WDR7: variants seen among roughly 807,000 people sequenced by gnomAD.
The protein encoded by WDR7 is WD repeat domain 7, also known as WD repeat-containing protein 7.
Under a neutral mutation model 169.4 loss-of-function variants are expected in WDR7, and 46 were observed. That is an observed-to-expected ratio of 0.27 (90% confidence interval 0.21 to 0.35). The LOEUF (loss-of-function observed/expected upper bound fraction) is 0.35. Ranked by LOEUF, WDR7 falls within the 10% of genes least tolerant of loss-of-function variation. The pLI, the probability that WDR7 is intolerant of heterozygous loss-of-function variation, is 1.00. For synonymous variants in WDR7, 612 were observed against 666.8 expected (o/e 0.92, Z 1.27); for missense variants, 1,534 against 1,859.3 (o/e 0.83, Z 3.22).
intron 20 of WDR7, among the ~76,000 whole-genome samples, chr18:56,835,409 A>G (rs897955028): frequency 1.3e-5 from 2 of 152,216 alleles, no homozygotes; most frequent in Admixed American, 6.5e-5. Flanking sequence ...TACCTAACTT[A>G]TAAGTGTATA....
chr18:56,771,708 C>T lies in WDR7; in HGVS notation c.2849-5074C>T, dbSNP rs560112515. ...ACCAGCCTGACCAACTTGGAGAAAC[C>T]CCATCTCTACTAGAAAATACAAAAT... On this transcript the variant is annotated intron_variant, in intron 16 of 27. Transcript: ENST00000254442. Among the ~76,000 whole-genome samples the T allele has an allele frequency of 4.0e-5, 6 of 151,766 alleles. No individual in the cohort carries two copies. In the East Asian group the frequency reaches 1.2e-3, roughly 30 times the overall value.
chr18:56,835,461 A>G (rs1245913182), intron 20 of WDR7, among the ~76,000 whole-genome samples: 1 of 152,184 alleles, frequency 6.6e-6, no homozygotes, highest in Non-Finnish European at 1.5e-5. Flanking sequence ...GAGTTGCAGT[A>G]ATTTTGGAAA....
At chr18:56,799,131 T>G (rs146993026) in intron 19 of WDR7, among the ~76,000 whole-genome samples, 1,953 of 152,258 alleles carry the variant, frequency 0.013, 18 homozygotes, top group East Asian at 0.031. Context: ...TAAGAACTAT[T>G]ATAGAGATGG....
At position 56,855,188 on chromosome 18, in the gene WDR7, A is replaced by C. The variant is rs561442468; in HGVS notation, c.3305-24756A>C. 2.0e-3 allele frequency among the ~76,000 whole-genome samples: 310 copies of C among 151,588 alleles called. 1 individual carries two copies. The highest frequency in any genetic ancestry group is 3.5e-3 in the Non-Finnish European group (239 of 67,896). On this transcript the variant is annotated intron_variant, in intron 20 of 27. Coordinates refer to ENST00000254442, the MANE Select transcript of WDR7 (RefSeq NM_015285.3). ...TCCCTTCTTGCTAATGAGTTTCAAC[A>C]TACGTGTTTCCTATTCTGTGAAATG...
chr18:56,991,803 G>A (rs1051909466), intron 26 of WDR7, among the ~76,000 whole-genome samples: 6 of 152,180 alleles, frequency 3.9e-5, no homozygotes, highest in African/African-American at 1.4e-4. Flanking sequence ...TGATCCCAGC[G>A]ATCTCTAAGA....
At chr18:56,657,072 G>A (rs938992037) in intron 1 of WDR7, among the ~76,000 whole-genome samples, 19 of 151,932 alleles carry the variant, frequency 1.3e-4, no homozygotes, top group African/African-American at 2.7e-4. Flanking sequence ...ATTTTAGTGC[G>A]TGTAGAGTGA....
At chr18:57,017,893 T>C (rs1415043886) in intron 26 of WDR7, among the ~76,000 whole-genome samples, 1 of 152,164 alleles carries the variant, frequency 6.6e-6, no homozygotes. Context: ...AGAAGTACCC[T>C]TCACGTGGAT....
chr18:56,775,974 A>G (rs1285094655), intron 16 of WDR7, among the ~76,000 whole-genome samples: 1 of 152,178 alleles, frequency 6.6e-6, no homozygotes, highest in African/African-American at 2.4e-5. Flanking sequence ...GAAGTGTCAA[A>G]TGGTGACCTC....
At chr18:56,726,450 G>C (rs2026457499) in intron 13 of WDR7, among the ~76,000 whole-genome samples, 1 of 152,118 alleles carries the variant, frequency 6.6e-6, no homozygotes, top group Non-Finnish European at 1.5e-5. Context: ...TTGGCTCTCT[G>C]TTTGTCTGTT....
chr18:56,921,107 C>T (rs1478887638), intron 21 of WDR7, among the ~76,000 whole-genome samples: 2 of 152,134 alleles, frequency 1.3e-5, no homozygotes, highest in Non-Finnish European at 2.9e-5. Context: ...GTCATTAATG[C>T]TAGTAGCAGA....
At chr18:57,030,803 T>C (rs1207109441), downstream of WDR7, 1 of 150,728 alleles carries the variant, frequency 6.6e-6, no homozygotes, top group Non-Finnish European at 1.5e-5. Context: ...AGATCGTCAA[T>C]ACATACAAAT....
chr18:56,656,404 C>T (rs1163723048), intron 1 of WDR7, among the ~76,000 whole-genome samples: 4 of 151,666 alleles, frequency 2.6e-5, no homozygotes, highest in Admixed American at 6.6e-5. Context: ...CTCAGCCTCC[C>T]GAGTAGCTGG....
chr18:56,726,010 C>T (rs1157242111), intron 13 of WDR7, among the ~76,000 whole-genome samples: 1 of 152,116 alleles, frequency 6.6e-6, no homozygotes, highest in Non-Finnish European at 1.5e-5. Flanking sequence ...TTCCATTGTT[C>T]TGTATGTCTG....
chr18:56,825,754 G>C (rs2045191613), intron 20 of WDR7, among the ~76,000 whole-genome samples: 1 of 151,902 alleles, frequency 6.6e-6, no homozygotes, highest in Admixed American at 6.6e-5. Context: ...TAACTTTTTT[G>C]TGTAGTACAA....
At chr18:56,976,073 T>C (rs1222707692) in intron 26 of WDR7, among the ~76,000 whole-genome samples, 1 of 152,032 alleles carries the variant, frequency 6.6e-6, no homozygotes, top group Non-Finnish European at 1.5e-5. Flanking sequence ...TCCACACCGT[T>C]GAGGTTGAAT....
intron 20 of WDR7, among the ~76,000 whole-genome samples, chr18:56,828,644 C>T (rs193091511): frequency 6.6e-6 from 1 of 151,964 alleles, no homozygotes; most frequent in African/African-American, 2.4e-5. Context: ...ATAGTCTTGC[C>T]GAGAAAGATA....
intron 26 of WDR7, among the ~76,000 whole-genome samples, chr18:56,996,342 A>G (rs1459499840): frequency 6.6e-6 from 1 of 152,196 alleles, no homozygotes; most frequent in Non-Finnish European, 1.5e-5. Context: ...ATAATTATAG[A>G]GAGAAGAAAT....
At chr18:56,741,941 C>G (rs1332364084) in intron 14 of WDR7, among the ~76,000 whole-genome samples, 3 of 152,178 alleles carry the variant, frequency 2.0e-5, no homozygotes, top group Non-Finnish European at 4.4e-5. Flanking sequence ...TTCCTGAAGC[C>G]TAATAAATCC....
chr18:56,877,419 T>C (rs2046038681), intron 20 of WDR7, among the ~76,000 whole-genome samples: 1 of 152,158 alleles, frequency 6.6e-6, no homozygotes, highest in Non-Finnish European at 1.5e-5. Context: ...AGGAGAACTT[T>C]CATGAAACTT....
Sources: gnomAD v4.1 joint callset for allele counts (sites outside exome capture counted in the v4.1 genomes callset) on GRCh38, gnomAD v4.1.1 for gene constraint, MANE v1.5 for transcripts, NCBI Gene and HGNC (gene_info 2026-07-23, HGNC 2026-07-21) for gene names.